OR51B5: variants seen among roughly 807,000 people sequenced by gnomAD.
OR51B5 encodes the protein olfactory receptor 51B5.
For synonymous variants in OR51B5, 186 were observed against 144.8 expected (o/e 1.28, Z -2.04); for missense variants, 456 against 374.6 (o/e 1.22, Z -1.79).
chr11:5,450,943 A>AG, intron 1 of OR51B5, among the ~76,000 whole-genome samples: 1 of 152,152 alleles, frequency 6.6e-6, no homozygotes, highest in East Asian at 1.9e-4. Context: ...TAAAAAAAAA[A>AG]GAAAAAGAGA....
chr11:5,351,449 T>A, intron 1 of OR51B5: 1 of 1,382,456 alleles, frequency 7.2e-7, no homozygotes, highest in Non-Finnish European at 9.9e-7. Context: ...GCAACTTTTA[T>A]ACAACTGATT....
chr11:5,475,781 T>C (rs893512909), intron 1 of OR51B5, among the ~76,000 whole-genome samples: 5 of 152,196 alleles, frequency 3.3e-5, no homozygotes, highest in African/African-American at 1.2e-4. Context: ...CAACTAATAT[T>C]TTTGCCATAA....
chr11:5,452,504 C>CAAAAAAAAAA lies in OR51B5; in HGVS notation n.84+53055_84+53064dup, dbSNP rs56677841. 3.0e-4 allele frequency among the ~76,000 whole-genome samples: 21 copies of CAAAAAAAAAA among 69,208 alleles called. 1 individual carries two copies. The highest frequency in any genetic ancestry group is 6.2e-4 in the Admixed American group (3 of 4,822). The allele number at this position is 69,208 out of a possible 152,430, so 45.4% of individuals were successfully genotyped here. A position where few individuals can be genotyped will look rare whatever the true frequency, so the allele number is the denominator to read the frequency against. ...TGGGCAAAAGAGAGAGACTCTGTCTCAAAAAAAAAAAAAAAAAAAAAAAAA... is the reference window on the plus strand; with the variant it reads ...TGGGCAAAAGAGAGAGACTCTGTCTCAAAAAAAAAAAAAAAAAAAAAAAAAAAAAAAAAAA... On this transcript the variant is annotated intron_variant and non_coding_transcript_variant, in intron 1 of 4. Coordinates refer to the OR51B5 transcript ENST00000415970.
intron 1 of OR51B5, among the ~76,000 whole-genome samples, chr11:5,481,387 C>T (rs1274537020): frequency 1.1e-5 from 1 of 90,592 alleles, no homozygotes; most frequent in Non-Finnish European, 2.2e-5. Context: ...CTATGACAAA[C>T]CCACAGCCAA....
rs746023305 is a variant in OR51B5 at position 5,403,687 on chromosome 11, TG to T, written n.85-56778del. ...CAGGAAGTTCTCTATAGTCTGTCCA[TG>T]AACTGAGGTGAGGGTGCAGGTAGAG... On this transcript the variant is annotated intron_variant and non_coding_transcript_variant, in intron 1 of 4. Transcript: ENST00000415970. 16 of 363,618 alleles carry T rather than the reference TG, an allele frequency of 4.4e-5. No individual in the cohort carries two copies. The East Asian group carries it at 4.4e-4, about 10-fold the overall frequency. The allele number at this position is 363,618 out of a possible 1,614,324, so 22.5% of individuals were successfully genotyped here.
chr11:5,452,416 G>A (rs1174749108), intron 1 of OR51B5, among the ~76,000 whole-genome samples: 1 of 146,822 alleles, frequency 6.8e-6, no homozygotes, highest in Non-Finnish European at 1.5e-5. Context: ...TGAGGCAGAA[G>A]AATGGCGTGA....
chr11:5,434,423 C>T (rs182084196), intron 1 of OR51B5, among the ~76,000 whole-genome samples: 1,592 of 152,302 alleles, frequency 0.01, 12 homozygotes, highest in Non-Finnish European at 0.015. Flanking sequence ...TTGCTTATAA[C>T]ACTCCAGGGT....
chr11:5,381,988 C>T (rs567278818), intron 1 of OR51B5, among the ~76,000 whole-genome samples: 1 of 152,220 alleles, frequency 6.6e-6, no homozygotes, highest in East Asian at 1.9e-4. Context: ...GCTCCATACA[C>T]CAAAATAACA....
intron 1 of OR51B5, among the ~76,000 whole-genome samples, chr11:5,467,089 A>T (rs1051296675): frequency 3.3e-5 from 5 of 152,198 alleles, no homozygotes; most frequent in African/African-American, 9.7e-5. Context: ...CCACCACAGC[A>T]CTTCTTTATC....
chr11:5,410,042 T>A (rs1216331180), intron 1 of OR51B5, among the ~76,000 whole-genome samples: 1 of 152,154 alleles, frequency 6.6e-6, no homozygotes, highest in African/African-American at 2.4e-5. Flanking sequence ...GAAAATATTC[T>A]TTTAAAATGA....
chr11:5,454,086 C>T, intron 1 of OR51B5: 1 of 1,614,192 alleles, frequency 6.2e-7, no homozygotes, highest in South Asian at 1.1e-5. Flanking sequence ...CATCTATGGA[C>T]TCTTTGTTCT....
chr11:5,488,897 T>TC, intron 1 of OR51B5: 1 of 1,614,090 alleles, frequency 6.2e-7, no homozygotes. Flanking sequence ...CCTATGTACC[T>TC]CTTCCTCTGC....
intron 1 of OR51B5, chr11:5,351,993 C>T: frequency 6.2e-7 from 1 of 1,613,516 alleles, no homozygotes; most frequent in Non-Finnish European, 8.5e-7. Flanking sequence ...TTCGCCTACA[C>T]TGGTTTCCCT....
intron 1 of OR51B5, chr11:5,441,432 C>T (rs751302149): frequency 6.2e-7 from 1 of 1,613,796 alleles, no homozygotes; most frequent in Admixed American, 1.7e-5. Flanking sequence ...CAGGGCAACC[C>T]AGGTGAGGCC....
intron 1 of OR51B5, chr11:5,440,561 C>T (rs779793531): frequency 1.2e-6 from 2 of 1,605,604 alleles, no homozygotes; most frequent in Admixed American, 1.7e-5. Context: ...TTGGGGCCTT[C>T]AGCCTTCCTC....
chr11:5,349,323 C>T (rs1221600462), intron 1 of OR51B5, among the ~76,000 whole-genome samples: 1 of 152,094 alleles, frequency 6.6e-6, no homozygotes, highest in Non-Finnish European at 1.5e-5. Flanking sequence ...CAATACTTGA[C>T]ACACGGTAGA....
chr11:5,477,260 C>T (rs1416314585), intron 1 of OR51B5, among the ~76,000 whole-genome samples: 1 of 152,198 alleles, frequency 6.6e-6, no homozygotes, highest in Non-Finnish European at 1.5e-5. Flanking sequence ...CCAATAACCA[C>T]ATCTGGAGAA....
intron 1 of OR51B5, among the ~76,000 whole-genome samples, chr11:5,403,773 G>A (rs1007558556): frequency 6.6e-6 from 1 of 152,140 alleles, no homozygotes; most frequent in Non-Finnish European, 1.5e-5. Flanking sequence ...CATGTGGTAT[G>A]AGGTTTTCTT....
chr11:5,495,021 G>T (rs1218919844), intron 1 of OR51B5, among the ~76,000 whole-genome samples: 1 of 152,162 alleles, frequency 6.6e-6, no homozygotes, highest in Non-Finnish European at 1.5e-5. Context: ...GCAACATAAT[G>T]AAGTAGAAGT....
Sources: gnomAD v4.1 joint callset for allele counts (sites outside exome capture counted in the v4.1 genomes callset) on GRCh38, gnomAD v4.1.1 for gene constraint, MANE v1.5 for transcripts, NCBI Gene and HGNC (gene_info 2026-07-23, HGNC 2026-07-21) for gene names.